Variants in COL21A1 observed in about 807,000 individuals in gnomAD.
COL21A1 encodes collagen alpha-1(XXI) chain.
In COL21A1, 149 loss-of-function variants were observed where a neutral mutation model predicts 137.9. That is an observed-to-expected ratio of 1.08 (90% confidence interval 0.95 to 1.24). The LOEUF (loss-of-function observed/expected upper bound fraction) is 1.24. Ranked by LOEUF, COL21A1 falls within the 50% of genes most tolerant of loss-of-function variation. COL21A1 has a pLI of 0.00. For synonymous variants in COL21A1, 456 were observed against 391.5 expected (o/e 1.16, Z -1.95); for missense variants, 1,167 against 1,158.4 (o/e 1.01, Z -0.11).
intron 1 of COL21A1, among the ~76,000 whole-genome samples, chr6:56,290,498 G>GTTTTTTGTT (rs371058894): frequency 1.5e-5 from 2 of 132,960 alleles, no homozygotes; most frequent in Non-Finnish European, 3.1e-5. Flanking sequence ...TCACTTAGGA[G>GTTTTTTGTT]ATTTTTTTTT....
chr6:56,345,674 T>A (rs1765581303), intron 1 of COL21A1, among the ~76,000 whole-genome samples: 1 of 152,218 alleles, frequency 6.6e-6, no homozygotes, highest in Non-Finnish European at 1.5e-5. Context: ...AAAATGCCAT[T>A]AGGATGTGTT....
At chr6:56,241,022 C>T (rs1480507789) in intron 1 of COL21A1, among the ~76,000 whole-genome samples, 9 of 152,172 alleles carry the variant, frequency 5.9e-5, no homozygotes, top group African/African-American at 1.9e-4. Flanking sequence ...CCTGCTCCCT[C>T]CCCATTCCAT....
At chr6:56,205,098 CGCTAGCA>C (rs1332680337) in intron 1 of COL21A1, among the ~76,000 whole-genome samples, 1 of 152,046 alleles carries the variant, frequency 6.6e-6, no homozygotes, top group Non-Finnish European at 1.5e-5. Context: ...GATCACAACT[CGCTAGCA>C]AGGGAACAAA....
chr6:56,160,718 T>C (rs1312324308), intron 9 of COL21A1, among the ~76,000 whole-genome samples: 1 of 152,114 alleles, frequency 6.6e-6, no homozygotes, highest in Non-Finnish European at 1.5e-5. Context: ...TTGACAGGAG[T>C]GGAAATGTCA....
At chr6:56,227,717 T>C (rs965547864) in intron 1 of COL21A1, among the ~76,000 whole-genome samples, 1 of 152,072 alleles carries the variant, frequency 6.6e-6, no homozygotes, top group African/African-American at 2.4e-5. Context: ...GCACTGAGGA[T>C]ACACAGATGA....
At chr6:56,295,109 G>A (rs1582762192) in intron 1 of COL21A1, among the ~76,000 whole-genome samples, 2 of 151,972 alleles carry the variant, frequency 1.3e-5, no homozygotes, top group South Asian at 4.2e-4. Flanking sequence ...TTTTTGTGAA[G>A]GGTGCAAGGT....
intron 9 of COL21A1, among the ~76,000 whole-genome samples, chr6:56,163,090 A>AGAT (rs889730605): frequency 6.6e-6 from 1 of 152,236 alleles, no homozygotes; most frequent in African/African-American, 2.4e-5. Context: ...CATACATAAA[A>AGAT]GATAGAAAGA....
intron 10 of COL21A1, among the ~76,000 whole-genome samples, chr6:56,148,188 G>A (rs958016437): frequency 4.6e-5 from 7 of 152,060 alleles, no homozygotes; most frequent in Admixed American, 2.0e-4. Flanking sequence ...TTCATACAGC[G>A]ATGCCTTTTC....
upstream of COL21A1, among the ~76,000 whole-genome samples, chr6:56,250,437 A>G (rs1300206973): frequency 6.6e-6 from 1 of 152,198 alleles, no homozygotes; most frequent in Non-Finnish European, 1.5e-5. Context: ...CGGAGGTCAC[A>G]TGGTAAGGAA....
intron 1 of COL21A1, among the ~76,000 whole-genome samples, chr6:56,232,420 G>A (rs997169195): frequency 1.3e-5 from 2 of 151,934 alleles, no homozygotes; most frequent in African/African-American, 2.4e-5. Context: ...AAAAATTCTT[G>A]CAGAACAGAT....
At chr6:56,060,693 C>T (rs1176001663) in intron 27 of COL21A1, 48 bp downstream of exon 27, 6 of 1,477,254 alleles carry the variant, frequency 4.1e-6, no homozygotes, top group Non-Finnish European at 5.5e-6. Context: ...ATTTGTATTA[C>T]TTTTGTAATT....
At chr6:56,171,891 A>G (rs1561944395) in intron 3 of COL21A1, among the ~76,000 whole-genome samples, 1 of 152,020 alleles carries the variant, frequency 6.6e-6, no homozygotes, top group South Asian at 2.1e-4. Flanking sequence ...TTTACTAAAG[A>G]TGATTAATAG....
intron 9 of COL21A1, among the ~76,000 whole-genome samples, chr6:56,160,060 T>A (rs1006344604): frequency 6.6e-6 from 1 of 152,212 alleles, no homozygotes; most frequent in Admixed American, 6.5e-5. Context: ...TAGATTTTAC[T>A]GGTTATTTTG....
At chr6:56,196,046 G>A (rs3899394) in intron 1 of COL21A1, among the ~76,000 whole-genome samples, 84,824 of 151,932 alleles carry the variant, frequency 0.56, 23,919 homozygotes, top group East Asian at 0.77. Flanking sequence ...TTATCCCTGA[G>A]ATGCAAGGAT....
chr6:56,338,195 T>C (rs1425024885), intron 1 of COL21A1, among the ~76,000 whole-genome samples: 1 of 151,972 alleles, frequency 6.6e-6, no homozygotes, highest in Non-Finnish European at 1.5e-5. Flanking sequence ...TGAACTCCTG[T>C]CCTCATGATC....
Position 56,182,689 on chromosome 6 carries a change from T to C in COL21A1, c.-38-33A>G, listed in dbSNP as rs1328664997. ...GAAAAAAAAGGCAAGTTAAATATAT[T>C]AATTAAAGTCAACATCTAGCCATTA... On this transcript the variant is annotated intron_variant, in intron 1 of 29. Coordinates refer to ENST00000244728, the MANE Select transcript of COL21A1 (RefSeq NM_030820.4). The C allele has an allele frequency of 5.5e-5, 52 of 941,486 alleles. No homozygotes were observed. The Admixed American group carries it at 1.1e-3, about 19-fold the overall frequency. The allele number at this position is 941,486 out of a possible 1,614,324, so 58.3% of individuals were successfully genotyped here.
At chr6:56,219,005 T>C (rs927415176) in intron 1 of COL21A1, among the ~76,000 whole-genome samples, 1 of 152,010 alleles carries the variant, frequency 6.6e-6, no homozygotes, top group Non-Finnish European at 1.5e-5. Flanking sequence ...AAAAGTTCAA[T>C]AAGTGGGTGC....
intron 17 of COL21A1, among the ~76,000 whole-genome samples, chr6:56,084,978 G>A (rs561676277): frequency 1.1e-4 from 16 of 152,078 alleles, no homozygotes; most frequent in African/African-American, 3.9e-4. Context: ...ACACTGTGTT[G>A]GACAAAGGCA....
chr6:56,260,601 AAG>A (rs1763229559), intron 1 of COL21A1, among the ~76,000 whole-genome samples: 1 of 138,734 alleles, frequency 7.2e-6, no homozygotes, highest in Admixed American at 7.3e-5. Context: ...GAAGAAGAAG[AAG>A]AAGAAGAAAG....
Sources: gnomAD v4.1 joint callset for allele counts (sites outside exome capture counted in the v4.1 genomes callset) on GRCh38, gnomAD v4.1.1 for gene constraint, MANE v1.5 for transcripts, NCBI Gene and HGNC (gene_info 2026-07-23, HGNC 2026-07-21) for gene names.